GIMAP8: variants seen among roughly 807,000 people sequenced by gnomAD.
GIMAP8 encodes the protein GTPase IMAP family member 8.
In GIMAP8, 29 loss-of-function variants were observed where a neutral mutation model predicts 35.6. The observed-to-expected ratio is 0.81, with a 90% confidence interval of 0.61 to 1.11. The LOEUF is 1.11. Among genes scored for constraint, GIMAP8 ranks in the 50% most tolerant of loss-of-function variants. The pLI is 0.00. For synonymous variants in GIMAP8, 335 were observed against 308.7 expected, an observed-to-expected ratio of 1.09 and a Z score of -0.89; for missense variants, 811 against 805.0, an observed-to-expected ratio of 1.01 and a Z score of -0.09.
At position 150,467,199 on chromosome 7, in the gene GIMAP8, T is replaced by C. The variant is rs1388788693; in HGVS notation, c.501T>C (p.Ile167=). Reference sequence around the variant, plus strand: ...AAGACTATGAGGGCCGATACTGCATTTTCAACAACAAGACCAATAGTAAGG... The same window carrying C: ...AAGACTATGAGGGCCGATACTGCATCTTCAACAACAAGACCAATAGTAAGG... ...LVQDYEGRYC[I]FNNKTNSKDE... The change falls in exon 2 of 5, where the codon ATT becomes ATC. Residue 167 remains isoleucine, a synonymous_variant. Coordinates refer to ENST00000307271, the MANE Select transcript of GIMAP8 (RefSeq NM_175571.4). 6.2e-7 allele frequency: 1 copy of C among 1,614,094 alleles called. No individual in the cohort carries two copies. The highest frequency in any genetic ancestry group is 8.5e-7 in the Non-Finnish European group (1 of 1,180,044).
At chr7:150,470,764 TTTTTCA>T (rs1422057169) in intron 2 of GIMAP8, 59 bp from the exon 3 acceptor site, 431 of 729,330 alleles carry the variant, frequency 5.9e-4, no homozygotes, top group East Asian at 1.3e-3. Flanking sequence ...TTTTTTTTTT[TTTTTCA>T]GTTTGTGGAA....
At chr7:150,458,794 ATACT>A (rs1305294541) in intron 1 of GIMAP8, among the ~76,000 whole-genome samples, 7 of 152,250 alleles carry the variant, frequency 4.6e-5, no homozygotes, top group African/African-American at 1.7e-4. Context: ...AAAGTTAACC[ATACT>A]TAAATATTAT....
Position 150,477,807 on chromosome 7 carries a change from A to G in GIMAP8, c.*27A>G, listed in dbSNP as rs1802274765. ...TAGCCGAAGTGCCTGGGGTCTCTTC[A>G]ATTAGAGACACCCTCAGGTTGGGGG... On this transcript the variant is annotated 3_prime_UTR_variant, in exon 5 of 5. Transcript: ENST00000307271. 6.4e-7 allele frequency: 1 copy of G among 1,553,624 alleles called. No individual in the cohort carries two copies. The highest frequency in any genetic ancestry group is 1.2e-5 in the South Asian group (1 of 86,826).
intron 1 of GIMAP8, among the ~76,000 whole-genome samples, chr7:150,455,758 G>A (rs1563279794): frequency 6.6e-6 from 1 of 152,172 alleles, no homozygotes; most frequent in Non-Finnish European, 1.5e-5. Flanking sequence ...CAGTTCTAAT[G>A]AGATCCCAGT....
rs1242765753 is a variant in GIMAP8 at position 150,474,152 on chromosome 7, A to C, written c.823A>C (p.Thr275Pro). Reference protein sequence around the residue: ...NSILGRQAFQTGFSEQSVTQS... With the variant: ...NSILGRQAFQPGFSEQSVTQS... ...CATTCTGGGGAGGCAGGCCTTTCAG[A>C]CCGGATTTAGTGAGCAGTCAGTAAC... is the stretch of plus-strand genomic sequence containing the variant. Residue 275 changes from threonine (T) to proline (P), a missense_variant, in exon 4 of 5, where the codon ACC becomes CCC. Coordinates refer to ENST00000307271, the MANE Select transcript of GIMAP8 (RefSeq NM_175571.4). The C allele has an allele frequency of 6.2e-7, 1 of 1,614,084 alleles. No individual in the cohort carries two copies. The highest frequency in any genetic ancestry group is 8.5e-7 in the Non-Finnish European group (1 of 1,180,042).
intron 1 of GIMAP8, among the ~76,000 whole-genome samples, chr7:150,452,653 ATGTGTG>A (rs1240322026): frequency 5.7e-5 from 7 of 123,646 alleles, no homozygotes; most frequent in African/African-American, 1.9e-4. Flanking sequence ...ATGTGTGTAT[ATGTGTG>A]TGTGTGTGTG....
rs371064788 is a variant in GIMAP8, at chr7:150,477,471, G to A, written c.1689G>A (p.Leu563=). 2 of 1,614,018 alleles carry A rather than the reference G, an allele frequency of 1.2e-6. No homozygotes were observed. Among genetic ancestry groups the A allele is most frequent in the Non-Finnish European group, 8.5e-7 (1 of 1,179,976 alleles). The change falls in exon 5 of 5, where the codon CTG becomes CTA. Residue 563 remains leucine (L), a synonymous_variant. Coordinates refer to ENST00000307271, the MANE Select transcript of GIMAP8 (RefSeq NM_175571.4). ...GADFTKYAIM[L]FTRKEDLGAG... The stretch of plus-strand genomic sequence containing the variant: ...ACTTTACGAAATACGCGATTATGCT[G>A]TTCACCCGGAAGGAAGACCTAGGGG...
rs1014009076 is a variant in GIMAP8, at chr7:150,472,216, T to C, written c.682+1342T>C. Among the ~76,000 whole-genome samples the C allele has an allele frequency of 3.9e-5, 6 of 152,094 alleles. No homozygotes were observed. The highest frequency in any genetic ancestry group is 6.6e-5 in the Admixed American group (1 of 15,266). On this transcript the variant is annotated intron_variant, in intron 3 of 4. Coordinates refer to ENST00000307271, the MANE Select transcript of GIMAP8 (RefSeq NM_175571.4). The surrounding 1 kb of genome is among the most constrained non-coding windows in gnomAD (Gnocchi z 4.1). ...GGACTTTTTATAGGATGTGGGCTCA[T>C]GTTAGGTGATTCTGAGGAAGGTTCC...
intron 1 of GIMAP8, among the ~76,000 whole-genome samples, chr7:150,458,445 A>T (rs1347742912): frequency 2.6e-5 from 4 of 152,180 alleles, no homozygotes; most frequent in Admixed American, 1.3e-4. Flanking sequence ...AATCTGCTTT[A>T]CTCAGAGTCC....
In GIMAP8 at chr7:150,466,846, CAGAG is replaced by C. The variant is rs749342845; in HGVS notation, c.155_158del (p.Glu52ValfsTer4). The stretch of plus-strand genomic sequence containing the variant: ...TGATCAGACAGTGATCAAAATGTGC[CAGAG>C]AGAGAGTTGGGTCCTGAGAGAAAGG... On this transcript the variant is annotated frameshift_variant, in exon 2 of 5. Coordinates refer to ENST00000307271, the MANE Select transcript of GIMAP8 (RefSeq NM_175571.4). LOFTEE classifies it high-confidence loss of function. 3 of 1,614,228 alleles carry C rather than the reference CAGAG, an allele frequency of 1.9e-6. No homozygotes were observed. The highest frequency in any genetic ancestry group is 2.5e-6 in the Non-Finnish European group (3 of 1,180,038).
chr7:150,452,578 T>C (rs1198322752), intron 1 of GIMAP8, among the ~76,000 whole-genome samples: 3 of 149,206 alleles, frequency 2.0e-5, no homozygotes, highest in Non-Finnish European at 4.4e-5. Context: ...TGTGTGTGTA[T>C]GTATATATGT....
At chr7:150,476,975 G>A in intron 4 of GIMAP8, 117 bp from the exon 5 acceptor site, 1 of 763,168 alleles carries the variant, frequency 1.3e-6, no homozygotes, top group South Asian at 1.8e-5. Context: ...AGGAGGTCTT[G>A]ATGCTGTTTG....
chr7:150,456,201 C>T (rs919621434), intron 1 of GIMAP8, among the ~76,000 whole-genome samples: 1 of 152,150 alleles, frequency 6.6e-6, no homozygotes, highest in Non-Finnish European at 1.5e-5. Flanking sequence ...TATTAGTTTC[C>T]TATTGCTGCT....
intron 1 of GIMAP8, among the ~76,000 whole-genome samples, chr7:150,463,133 T>C (rs1801875046): frequency 6.6e-6 from 1 of 152,088 alleles, no homozygotes; most frequent in African/African-American, 2.4e-5. Flanking sequence ...AGCTCTTGGT[T>C]ATATTTTTTT....
At chr7:150,476,125 G>A (rs1802221684) in intron 4 of GIMAP8, among the ~76,000 whole-genome samples, 1 of 152,140 alleles carries the variant, frequency 6.6e-6, no homozygotes, top group Non-Finnish European at 1.5e-5. Flanking sequence ...TTAAGCTATT[G>A]TTCATCTGCT....
At chr7:150,470,770 A>ATTTTTTTTTTTT (rs1357852628) in intron 2 of GIMAP8, 59 bp from the exon 3 acceptor site, 3 of 224,044 alleles carry the variant, frequency 1.3e-5, no homozygotes, top group Non-Finnish European at 1.6e-5. Context: ...TTTTTTTTTC[A>ATTTTTTTTTTTT]GTTTGTGGAA....
At chr7:150,459,889 C>A (rs1321474013) in intron 1 of GIMAP8, among the ~76,000 whole-genome samples, 4 of 152,196 alleles carry the variant, frequency 2.6e-5, no homozygotes, top group Non-Finnish European at 4.4e-5. Flanking sequence ...GCAGGGAAGG[C>A]AAATCCGTAT....
In GIMAP8 at chr7:150,477,307, C is replaced by T. The variant is rs780335647; in HGVS notation, c.1525C>T (p.Arg509Trp). ...GCTGGATGTCGAAAAGGACCCATCC[C>T]GGTTAGAAGAGGAGGTCAAGCGCTG... Reference protein sequence around the residue: ...QMLDVEKDPSRLEEEVKRCLS... With the variant: ...QMLDVEKDPSWLEEEVKRCLS... The change falls in exon 5 of 5, where the codon CGG (arginine) becomes TGG (tryptophan). Residue 509 changes from arginine to tryptophan, a missense_variant. Arg to Trp is a moderately radical substitution (Grantham distance 101). Coordinates refer to ENST00000307271, the MANE Select transcript of GIMAP8 (RefSeq NM_175571.4). 1.3e-5 allele frequency: 21 copies of T among 1,614,058 alleles called. No individual in the cohort carries two copies. Among genetic ancestry groups the T allele is most frequent in the Admixed American group, 3.3e-5 (2 of 60,022 alleles).
chr7:150,467,166 G>T lies in GIMAP8; in HGVS notation c.468G>T (p.Gln156His), dbSNP rs987842228. Residue 156 changes from glutamine (Q) to histidine (H), a missense_variant, in exon 2 of 5, where the codon CAG becomes CAT. Transcript: ENST00000307271. Reference sequence around the variant, plus strand: ...TTGAAAAAAACAAACCTCTCAAGCAGTTGGTTCAAGACTATGAGGGCCGAT... The same window carrying T: ...TTGAAAAAAACAAACCTCTCAAGCATTTGGTTCAAGACTATGAGGGCCGAT... ...DFIEKNKPLK[Q>H]LVQDYEGRYC... 6.2e-7 allele frequency: 1 copy of T among 1,614,212 alleles called. No individual in the cohort carries two copies. The highest frequency in any genetic ancestry group is 1.7e-5 in the Admixed American group (1 of 60,036).
Sources: allele counts gnomAD v4.1 joint callset (sites outside exome capture counted in the v4.1 genomes callset), GRCh38; gene constraint gnomAD v4.1.1; non-coding constraint Gnocchi (gnomAD v3.1); transcripts MANE v1.5; gene names NCBI Gene and HGNC (gene_info 2026-07-23, HGNC 2026-07-21).